The following ADGRG4 variants were observed in gnomAD, a reference collection of about 807,000 sequenced individuals.
The protein encoded by ADGRG4 is adhesion G protein-coupled receptor G4, also known as G protein-coupled receptor 112.
In ADGRG4, 122 loss-of-function variants were observed where a neutral mutation model predicts 126.2. The observed-to-expected ratio is 0.97, with a 90% CI of 0.83 to 1.12. ADGRG4 has a LOEUF of 1.12. Among genes scored for constraint, ADGRG4 ranks in the 50% most tolerant of loss-of-function variants. The pLI is 0.00. For missense variants in ADGRG4, 2,481 were observed against 2,251.8 expected (o/e 1.10, Z -2.06); for synonymous variants, 943 against 838.7 (o/e 1.12, Z -2.15).
chrX:136,415,123 G>C (rs185289893), intron 25 of ADGRG4, among the ~76,000 whole-genome samples: 36 of 112,048 alleles, frequency 3.2e-4, no homozygotes, highest in Admixed American at 1.3e-3. Context: ...CTTTCTTTAA[G>C]ACCAAAGTAT....
At chrX:136,397,447 G>A (rs1371810221) in intron 19 of ADGRG4, among the ~76,000 whole-genome samples, 1 of 82,763 alleles carries the variant, frequency 1.2e-5, no homozygotes, top group Non-Finnish European at 2.4e-5. Flanking sequence ...GGTCCATTTT[G>A]TTTGTTAATT....
Position 136,371,339 on chromosome X carries a change from G to A in ADGRG4, c.7408G>A (p.Asp2470Asn). 2.5e-6 allele frequency: 3 copies of A among 1,178,466 alleles called. No individual in the cohort carries two copies. Among genetic ancestry groups the A allele is most frequent in the South Asian group, 1.9e-5 (1 of 52,406 alleles). The change falls in exon 14 of 26, where the codon GAT becomes AAT. Residue 2470 changes from aspartate to asparagine, a missense_variant. By Grantham distance (23) the Asp-to-Asn change is conservative. Transcript: ENST00000394143. ...CTTTCTTTCCCCAGAGAATGCTGAG[G>A]ATGTTGCAGAGCATATTTTAAATTT... is the stretch of plus-strand genomic sequence containing the variant. ...NITISDENAE[D>N]VAEHILNLIN...
Position 136,371,366 on chromosome X carries a change from A to C in ADGRG4, c.7435A>C (p.Ile2479Leu), listed in dbSNP as rs1221114806. The change falls in exon 14 of 26, where the codon ATA becomes CTA. Residue 2479 changes from isoleucine (I) to leucine (L), a missense_variant. Coordinates refer to ENST00000394143, the MANE Select transcript of ADGRG4 (RefSeq NM_153834.4). ...TGTTGCAGAGCATATTTTAAATTTG[A>C]TAAATGAATCCCCAGCCCTGGGTAA... ...EDVAEHILNL[I>L]NESPALGKEE... 1.7e-6 allele frequency: 2 copies of C among 1,194,797 alleles called. No homozygotes were observed. Among genetic ancestry groups the C allele is most frequent in the East Asian group, 6.0e-5 (2 of 33,547 alleles).
rs917658908 is a variant in ADGRG4 at position 136,405,968 on chromosome X, G to T, written c.8931G>T (p.Leu2977Phe). The change falls in exon 23 of 26, where the codon TTG becomes TTT. Residue 2977 changes from leucine (L) to phenylalanine (F), a missense_variant. Physicochemically the swap from Leu to Phe is conservative, Grantham distance 22. Coordinates refer to ENST00000394143, the MANE Select transcript of ADGRG4 (RefSeq NM_153834.4). The part of the protein sequence containing the change: ...FLYLFAIFNT[L>F]QGFFIFVFHC... The stretch of plus-strand genomic sequence containing the variant: ...ATTTGTTTGCCATTTTTAACACTTT[G>T]CAAGGTAACTGGTGCTTTTTTGCCT... The T allele has an allele frequency of 1.2e-5, 13 of 1,124,353 alleles. No individual in the cohort carries two copies. The highest frequency in any genetic ancestry group is 2.8e-5 in the Admixed American group (1 of 35,405). 92.7% of individuals were successfully genotyped at this position (1,124,353 alleles called of 1,213,427 possible).
intron 15 of ADGRG4, among the ~76,000 whole-genome samples, chrX:136,383,889 CCT>C (rs1470935249): frequency 2.8e-5 from 2 of 71,553 alleles, no homozygotes; most frequent in Admixed American, 1.8e-4. Context: ...TTCTTCCTTT[CCT>C]TTCCTTTCCT....
rs756001984 is a variant in ADGRG4 at position 136,348,126 on chromosome X, T to C, written c.4420T>C (p.Tyr1474His). ...ESLSLSTAGL[Y>H]NDGFTVLSDR... ...CTTGTCTCTTTCCACAGCTGGACTA[T>C]ATAATGACGGTTTTACAGTTCTCTC... The change falls in exon 6 of 26, where the codon TAT becomes CAT. Residue 1474 changes from tyrosine to histidine, a missense_variant. By Grantham distance (83) the Tyr-to-His change is moderately conservative. Transcript: ENST00000394143. 1.7e-6 allele frequency: 2 copies of C among 1,208,970 alleles called. No individual in the cohort carries two copies. The highest frequency in any genetic ancestry group is 1.8e-5 in the South Asian group (1 of 56,779).
In ADGRG4 at chrX:136,356,839, A is replaced by T. The variant is rs962604825; in HGVS notation, c.6927+674A>T. 2.7e-5 allele frequency among the ~76,000 whole-genome samples: 3 copies of T among 111,408 alleles called. No homozygotes were observed. In the Admixed American group the frequency reaches 2.9e-4, roughly 11 times the overall value. ...ATGGGGAGACCCCATCTCTACAAAAAATAATTTAAAAATATTAGCCAGGCA... is the reference window on the plus strand; with the variant it reads ...ATGGGGAGACCCCATCTCTACAAAATATAATTTAAAAATATTAGCCAGGCA... On this transcript the variant is annotated intron_variant, in intron 9 of 25. Coordinates refer to ENST00000394143, the MANE Select transcript of ADGRG4 (RefSeq NM_153834.4).
chrX:136,409,319 C>A (rs951782500), intron 23 of ADGRG4, among the ~76,000 whole-genome samples: 4 of 111,747 alleles, frequency 3.6e-5, no homozygotes, highest in Non-Finnish European at 7.5e-5. Flanking sequence ...AGTGAGTAAG[C>A]AGATCAATCT....
At position 136,416,620 on chromosome X, in the gene ADGRG4, T is replaced by C; in HGVS notation, c.*129T>C. ...CACAAATCACCACTAAATAATGTAC[T>C]CATGTAACCAAATGCTACCTGTTCC... On this transcript the variant is annotated 3_prime_UTR_variant, in exon 26 of 26. Coordinates refer to ENST00000394143, the MANE Select transcript of ADGRG4 (RefSeq NM_153834.4). 2.5e-6 allele frequency: 1 copy of C among 407,014 alleles called. No homozygotes were observed. The highest frequency in any genetic ancestry group is 4.3e-5 in the East Asian group (1 of 23,187). The allele number at this position is 407,014 out of a possible 1,213,427, so 33.5% of individuals were successfully genotyped here. A position where few individuals can be genotyped will look rare whatever the true frequency, so the allele number is the denominator to read the frequency against.
intron 15 of ADGRG4, among the ~76,000 whole-genome samples, chrX:136,375,679 A>G (rs1050789211): frequency 1.8e-5 from 2 of 111,774 alleles, no homozygotes. Context: ...GTGTTTGTAT[A>G]TCTTCTTTTG....
chrX:136,373,886 G>T lies in ADGRG4; in HGVS notation c.7776+822G>T, dbSNP rs184450997. Among the ~76,000 whole-genome samples, 88 of 111,371 alleles carry T rather than the reference G, an allele frequency of 7.9e-4. No individual in the cohort carries two copies. In the Middle Eastern group the frequency reaches 0.014, roughly 17 times the overall value. On this transcript the variant is annotated intron_variant, in intron 15 of 25. Transcript: ENST00000394143. ...AGGCTTAGGCGGGAGGATTGCTTGA[G>T]ACCAGAAGATCAAGGATGCAGTGAG...
At chrX:136,354,870 T>C (rs767689975) in intron 8 of ADGRG4, among the ~76,000 whole-genome samples, 1 of 111,456 alleles carries the variant, frequency 9.0e-6, no homozygotes, top group Non-Finnish European at 1.9e-5. Flanking sequence ...GCTTCTATGA[T>C]CTCCCTGGGT....
chrX:136,330,411 A>G (rs1220282045), intron 5 of ADGRG4, among the ~76,000 whole-genome samples: 1 of 108,827 alleles, frequency 9.2e-6, no homozygotes, highest in Non-Finnish European at 1.9e-5. Flanking sequence ...AACTCAGCAT[A>G]ATTCTCTGAA....
chrX:136,390,107 G>A (rs2075311801), intron 16 of ADGRG4, among the ~76,000 whole-genome samples: 1 of 111,747 alleles, frequency 8.9e-6, no homozygotes, highest in Non-Finnish European at 1.9e-5. Flanking sequence ...CTGGAGTGTA[G>A]TGGTGCAATC....
chrX:136,303,532 A>G (rs1020489045), intron 1 of ADGRG4, among the ~76,000 whole-genome samples: 2 of 112,386 alleles, frequency 1.8e-5, no homozygotes, highest in East Asian at 5.6e-4. Flanking sequence ...GTTTAAAAAC[A>G]TGTAGTATCA....
rs762784836 is a variant in ADGRG4 at position 136,361,500 on chromosome X, GGAC to G, written c.7191_7193del (p.Thr2398del). The G allele has an allele frequency of 3.4e-6, 4 of 1,184,149 alleles. No homozygotes were observed. Among genetic ancestry groups the G allele is most frequent in the Non-Finnish European group, 4.6e-6 (4 of 877,359 alleles). ...GATGAAACAGCCTCTAAATACAAAG[GGAC>G]CTATAAGTGGCTATTAACCAACCCT... On this transcript the variant is annotated inframe_deletion, in exon 12 of 26. Transcript: ENST00000394143.
intron 21 of ADGRG4, among the ~76,000 whole-genome samples, chrX:136,402,413 G>C (rs2075384035): frequency 1.8e-5 from 2 of 110,943 alleles, no homozygotes; most frequent in African/African-American, 6.6e-5. Flanking sequence ...AGCATTCTAG[G>C]TGCTGTGCTT....
At chrX:136,412,411 C>A in intron 24 of ADGRG4, 45 bp downstream of exon 24, 1 of 793,123 alleles carries the variant, frequency 1.3e-6, no homozygotes, top group Non-Finnish European at 1.9e-6. Context: ...ACATGTTTTA[C>A]AAAACTGATC....
intron 5 of ADGRG4, among the ~76,000 whole-genome samples, chrX:136,332,898 G>A (rs1189454451): frequency 9.1e-6 from 1 of 110,445 alleles, no homozygotes; most frequent in African/African-American, 3.3e-5. Context: ...TGTAGATTCT[G>A]GATATTAGCC....
Sources: allele counts gnomAD v4.1 joint callset (sites outside exome capture counted in the v4.1 genomes callset), GRCh38; gene constraint gnomAD v4.1.1; transcripts MANE v1.5; gene names NCBI Gene and HGNC (gene_info 2026-07-23, HGNC 2026-07-21).